Variants in PRUNE2 observed in about 807,000 individuals in gnomAD.
The protein encoded by PRUNE2 is prune homolog 2 with BCH domain.
A neutral mutation model predicts 252.0 loss-of-function variants in PRUNE2; 164 were observed. The ratio of observed to expected loss-of-function variants is 0.65; its 90% CI spans 0.57 to 0.74. The LOEUF (loss-of-function observed/expected upper bound fraction) is 0.74. Ranked by LOEUF, PRUNE2 falls within the 30% of genes least tolerant of loss-of-function variation. PRUNE2 has a pLI of 0.00. For synonymous variants in PRUNE2, 1,292 were observed against 1,350.2 expected (o/e 0.96, Z 0.94); for missense variants, 3,495 against 3,711.0 (o/e 0.94, Z 1.51).
chr9:76,895,571 G>A lies in PRUNE2; in HGVS notation c.36+10357C>T, dbSNP rs147431893. Among the ~76,000 whole-genome samples the A allele has an allele frequency of 2.5e-3, 380 of 152,048 alleles. 1 individual carries two copies. Among genetic ancestry groups the A allele is most frequent in the African/African-American group, 8.6e-3 (356 of 41,466 alleles). On this transcript the variant is annotated intron_variant, in intron 1 of 18. Transcript: ENST00000376718. ...CTGAGTGGGAAATTTTTCTGAAATC[G>A]CTTATGCACCACACCTTTCTTCTTA...
At chr9:76,848,456 T>C (rs2059783939) in intron 3 of PRUNE2, among the ~76,000 whole-genome samples, 2 of 152,222 alleles carry the variant, frequency 1.3e-5, no homozygotes, top group Admixed American at 1.3e-4. Flanking sequence ...CATGGGCAGG[T>C]TATTTTCAAA....
At chr9:76,752,091 T>TG (rs1554746685) in intron 6 of PRUNE2, among the ~76,000 whole-genome samples, 2 of 74,216 alleles carry the variant, frequency 2.7e-5, no homozygotes, top group African/African-American at 1.4e-4. Context: ...TCCTGTTTTT[T>TG]TTTTGGTTTT....
chr9:76,825,995 T>A (rs2058323209), intron 5 of PRUNE2, among the ~76,000 whole-genome samples: 2 of 152,310 alleles, frequency 1.3e-5, no homozygotes, highest in South Asian at 4.2e-4. Context: ...CCTATCAGCA[T>A]AAGGATTGCA....
chr9:76,799,457 C>T (rs1003340060), intron 6 of PRUNE2, among the ~76,000 whole-genome samples: 21 of 151,926 alleles, frequency 1.4e-4, no homozygotes, highest in Admixed American at 1.4e-3. Flanking sequence ...ACTGAGCATA[C>T]ACATTATTAC....
In PRUNE2 at chr9:76,644,751, T is replaced by A. The variant is rs1245420348; in HGVS notation, c.8716A>T (p.Ile2906Phe). The change falls in exon 12 of 19, where the codon ATT becomes TTT. Residue 2906 changes from isoleucine (I) to phenylalanine (F), a missense_variant. Coordinates refer to ENST00000376718, the MANE Select transcript of PRUNE2 (RefSeq NM_015225.3). ...MKVIEPYRRV[I>F]SHGGYYGDGL... ...TGAGCTCGACTACCTCCGTGAGAAA[T>A]GACTCTCCTGTAGGGCTCGATGACC... 6.2e-7 allele frequency: 1 copy of A among 1,613,736 alleles called. No homozygotes were observed. The highest frequency in any genetic ancestry group is 1.7e-5 in the Admixed American group (1 of 59,992).
chr9:76,772,734 T>C (rs1028306956), intron 6 of PRUNE2, among the ~76,000 whole-genome samples: 2 of 152,148 alleles, frequency 1.3e-5, no homozygotes, highest in East Asian at 3.9e-4. Flanking sequence ...CAGCTAATTG[T>C]TTAATTTTTT....
chr9:76,736,125 G>A (rs934415912), intron 6 of PRUNE2, among the ~76,000 whole-genome samples: 3 of 134,934 alleles, frequency 2.2e-5, no homozygotes, highest in African/African-American at 8.8e-5. Flanking sequence ...AGATTAGTAG[G>A]GTTTGTGTGA....
chr9:76,860,531 A>T (rs990373727), intron 1 of PRUNE2, among the ~76,000 whole-genome samples: 2 of 152,234 alleles, frequency 1.3e-5, no homozygotes, highest in African/African-American at 4.8e-5. Context: ...CATTTCTGCA[A>T]CGGTGGTTTC....
In PRUNE2 at chr9:76,629,283, A is replaced by C. The variant is rs745936451; in HGVS notation, c.9058T>G (p.Phe3020Val). The C allele has an allele frequency of 1.3e-6, 2 of 1,521,882 alleles. No individual in the cohort carries two copies. Among genetic ancestry groups the C allele is most frequent in the South Asian group, 2.4e-5 (2 of 82,702 alleles). The allele number at this position is 1,521,882 out of a possible 1,614,324, so 94.3% of individuals were successfully genotyped here. The change falls in exon 16 of 19, where the codon TTC becomes GTC. Residue 3020 changes from phenylalanine to valine, a missense_variant. Phe to Val is a conservative substitution (Grantham distance 50). Coordinates refer to ENST00000376718, the MANE Select transcript of PRUNE2 (RefSeq NM_015225.3). ...AVTRPFISSK[F>V]SSKIKYVNSL... ...TTGACATATTTAATTTTACTGCTGA[A>C]TTTTGAACTAAAAAAAAAAAAAAGA...
At position 76,828,104 on chromosome 9, in the gene PRUNE2, T is replaced by C. The variant is rs1463738690; in HGVS notation, c.509-1372A>G. On this transcript the variant is annotated intron_variant, in intron 4 of 18. Coordinates refer to ENST00000376718, the MANE Select transcript of PRUNE2 (RefSeq NM_015225.3). ...TTTCAATAGCAGAGAATAAGAAATA[T>C]TATGGGTGAAATACATAGTACTCTG... Among the ~76,000 whole-genome samples the C allele has an allele frequency of 2.6e-5, 4 of 152,166 alleles. No individual in the cohort carries two copies. In the East Asian group the frequency reaches 7.7e-4, roughly 29 times the overall value.
chr9:76,806,913 G>T lies in PRUNE2; in HGVS notation c.756+16719C>A, dbSNP rs541244479. Among the ~76,000 whole-genome samples the T allele has an allele frequency of 2.0e-5, 3 of 152,012 alleles. No individual in the cohort carries two copies. In the South Asian group the frequency reaches 6.2e-4, roughly 31 times the overall value. ...ACTAGTATGATGCCATTTCAAAGAC[G>T]GAACACACTGAGGTTAAGTAACTGG... On this transcript the variant is annotated intron_variant, in intron 6 of 18. Transcript: ENST00000376718.
intron 12 of PRUNE2, chr9:76,644,492 A>G: frequency 1.7e-6 from 1 of 575,026 alleles, no homozygotes; most frequent in Non-Finnish European, 3.2e-6. Context: ...GCACAAGATG[A>G]TCGCTATCAG....
chr9:76,708,437 A>C lies in PRUNE2; in HGVS notation c.3837T>G (p.Leu1279=), dbSNP rs769353993. ...AASGTSESEA[L]ISHLDKQDTE... The stretch of plus-strand genomic sequence containing the variant: ...TGTCCTGCTTGTCAAGATGAGATAT[A>C]AGTGCCTCTGATTCACTGGTTCCAG... Residue 1279 remains leucine (L), a synonymous_variant, in exon 8 of 19, where the codon CTT becomes CTG. Coordinates refer to ENST00000376718, the MANE Select transcript of PRUNE2 (RefSeq NM_015225.3). 1.2e-5 allele frequency: 20 copies of C among 1,613,678 alleles called. No homozygotes were observed. In the Admixed American group the frequency reaches 3.2e-4, roughly 26 times the overall value.
intron 6 of PRUNE2, among the ~76,000 whole-genome samples, chr9:76,810,361 C>A (rs1589348558): frequency 6.6e-6 from 1 of 152,172 alleles, no homozygotes; most frequent in South Asian, 2.1e-4. Flanking sequence ...GATAGACATT[C>A]AATGAGTGTT....
At chr9:76,786,948 C>T (rs1229041653) in intron 6 of PRUNE2, 1 of 152,146 alleles carries the variant, frequency 6.6e-6, no homozygotes, top group African/African-American at 2.4e-5. Context: ...CTGATTACGC[C>T]TCATGGGTGG....
intron 15 of PRUNE2, among the ~76,000 whole-genome samples, chr9:76,630,739 G>T (rs1837249826): frequency 6.6e-6 from 1 of 152,154 alleles, no homozygotes; most frequent in Non-Finnish European, 1.5e-5. Context: ...TGTTAGCCAG[G>T]ATGGTCTCCA....
At chr9:76,873,657 A>G (rs932546625) in intron 1 of PRUNE2, among the ~76,000 whole-genome samples, 1 of 152,200 alleles carries the variant, frequency 6.6e-6, no homozygotes, top group African/African-American at 2.4e-5. Context: ...AAAACTGCAT[A>G]TGAGGCGAGG....
At chr9:76,852,114 G>A (rs2059993402) in intron 2 of PRUNE2, among the ~76,000 whole-genome samples, 1 of 152,106 alleles carries the variant, frequency 6.6e-6, no homozygotes, top group Non-Finnish European at 1.5e-5. Context: ...AACCAGTCTG[G>A]CACATAGTAA....
chr9:76,839,070 T>C (rs916117840), intron 4 of PRUNE2, among the ~76,000 whole-genome samples: 2 of 152,058 alleles, frequency 1.3e-5, no homozygotes, highest in African/African-American at 2.4e-5. Context: ...GTTTGTTTGT[T>C]TTTTTTTAAA....
Sources: gnomAD v4.1 joint callset for allele counts (sites outside exome capture counted in the v4.1 genomes callset) on GRCh38, gnomAD v4.1.1 for gene constraint, MANE v1.5 for transcripts, NCBI Gene and HGNC (gene_info 2026-07-23, HGNC 2026-07-21) for gene names.